Variants in RIN2 observed in about 807,000 individuals in gnomAD.
The protein encoded by RIN2 is RAB5 interacting protein 2.
RIN2 carries 36 observed loss-of-function variants against 78.0 expected under a neutral mutation model. That is an observed-to-expected ratio of 0.46 (90% CI 0.35 to 0.61). RIN2 has a LOEUF of 0.61. Ranked by LOEUF, RIN2 falls within the 20% of genes least tolerant of loss-of-function variation. The probability of loss-of-function intolerance (pLI) is 0.00; values close to 1 mark genes in which losing one functional copy is unlikely to be tolerated. For missense variants in RIN2, 1,087 were observed against 1,159.7 expected (o/e 0.94, Z 0.91); for synonymous variants, 466 against 466.8 (o/e 1.00, Z 0.02).
chr20:19,831,967 AACAATT>A (rs2036263419), intron 2 of RIN2, among the ~76,000 whole-genome samples: 1 of 152,178 alleles, frequency 6.6e-6, no homozygotes, highest in African/African-American at 2.4e-5. Context: ...AATGAATAAT[AACAATT>A]ATAATAATAA....
chr20:19,919,666 C>T (rs994259234), intron 3 of RIN2, among the ~76,000 whole-genome samples: 1 of 151,792 alleles, frequency 6.6e-6, no homozygotes, highest in South Asian at 2.1e-4. Flanking sequence ...ATTAGCCAGG[C>T]GTGGTGGCAT....
intron 2 of RIN2, among the ~76,000 whole-genome samples, chr20:19,877,637 A>C (rs1229978247): frequency 1.3e-5 from 2 of 152,180 alleles, no homozygotes; most frequent in African/African-American, 2.4e-5. Context: ...GCTTTCTGCA[A>C]GTGCCACAAG....
intron 2 of RIN2, among the ~76,000 whole-genome samples, chr20:19,856,935 A>C (rs2037189252): frequency 6.6e-6 from 1 of 152,136 alleles, no homozygotes; most frequent in Admixed American, 6.6e-5. Flanking sequence ...ACATACTGGA[A>C]TATCTTAGCC....
intron 1 of RIN2, among the ~76,000 whole-genome samples, chr20:19,760,656 G>A (rs1177612611): frequency 6.6e-6 from 1 of 151,954 alleles, no homozygotes; most frequent in African/African-American, 2.4e-5. Flanking sequence ...TGAAACACAG[G>A]GTATGCTACC....
At chr20:19,880,620 G>T (rs192808164) in intron 2 of RIN2, among the ~76,000 whole-genome samples, 11 of 151,842 alleles carry the variant, frequency 7.2e-5, no homozygotes, top group African/African-American at 2.7e-4. Flanking sequence ...CTTCTGCCTT[G>T]GCCTCCCAAA....
intron 3 of RIN2, among the ~76,000 whole-genome samples, chr20:19,921,105 C>A (rs761012802): frequency 1.3e-5 from 2 of 152,224 alleles, no homozygotes; most frequent in Non-Finnish European, 2.9e-5. Context: ...CCCTTCACAG[C>A]CTCTCCCATG....
intron 4 of RIN2, among the ~76,000 whole-genome samples, chr20:19,954,759 T>G (rs2041468501): frequency 6.6e-6 from 1 of 152,140 alleles, no homozygotes; most frequent in Non-Finnish European, 1.5e-5. Context: ...CTGACCTGAC[T>G]TGGTACCCAC....
rs1042368388 is a variant in RIN2 at position 20,002,231 on chromosome 20, C to T, written c.*1295C>T. ...CTATGAGGGTCTTGTATCCACGTAA[C>T]ACAGGTAGTTACAAAAACATGTTAT... On this transcript the variant is annotated 3_prime_UTR_variant, in exon 13 of 13. Transcript: ENST00000255006. 6.6e-6 allele frequency: 1 copy of T among 152,358 alleles called. No individual in the cohort carries two copies. Among genetic ancestry groups the T allele is most frequent in the African/African-American group, 2.4e-5 (1 of 41,454 alleles). 9.4% of individuals were successfully genotyped at this position (152,358 alleles called of 1,614,324 possible).
At position 19,912,966 on chromosome 20, in the gene RIN2, A is replaced by G. The variant is rs141541248; in HGVS notation, c.58-22133A>G. ...CGGTGCACAGGCTGAGCCTCAGTCC[A>G]TGCGCATGGGTCCAGAGAAAGTGCT... is the stretch of plus-strand genomic sequence containing the variant. On this transcript the variant is annotated intron_variant, in intron 3 of 12. Transcript: ENST00000255006. Among the ~76,000 whole-genome samples the G allele has an allele frequency of 3.2e-3, 494 of 152,326 alleles. 3 individuals are homozygous for G. The highest frequency in any genetic ancestry group is 5.5e-3 in the Non-Finnish European group (374 of 68,020).
chr20:19,996,679 G>A lies in RIN2; in HGVS notation c.2201G>A (p.Gly734Glu). The A allele has an allele frequency of 1.9e-6, 3 of 1,614,022 alleles. No individual in the cohort carries two copies. Among genetic ancestry groups the A allele is most frequent in the Non-Finnish European group, 2.5e-6 (3 of 1,179,896 alleles). Residue 734 changes from glycine (G) to glutamate (E), a missense_variant and splice_region_variant, in exon 12 of 13, where the codon GGA (glycine) becomes GAA (glutamate). Transcript: ENST00000255006. ...LLDPSLLHGE[G>E]GYYLTSAYGA... ...GACCCACTCTTTCTGCTCTTTTCAG[G>A]AGGCTATTACTTGACAAGCGCATAT...
At chr20:19,908,428 G>A (rs908899656) in intron 3 of RIN2, among the ~76,000 whole-genome samples, 8 of 151,284 alleles carry the variant, frequency 5.3e-5, no homozygotes, top group Admixed American at 1.3e-4. Flanking sequence ...GAGGCGGAGC[G>A]TGCATTGAGC....
At chr20:19,928,148 C>T (rs1816597580) in intron 3 of RIN2, among the ~76,000 whole-genome samples, 1 of 152,222 alleles carries the variant, frequency 6.6e-6, no homozygotes, top group African/African-American at 2.4e-5. Flanking sequence ...GGTCATCTGC[C>T]CACCTCAGCC....
Position 19,990,259 on chromosome 20 carries a change from G to A in RIN2, c.2016G>A (p.Met672Ile), listed in dbSNP as rs2042755033. 6.2e-7 allele frequency: 1 copy of A among 1,613,066 alleles called. No homozygotes were observed. Among genetic ancestry groups the A allele is most frequent in the Non-Finnish European group, 8.5e-7 (1 of 1,179,302 alleles). The part of the protein sequence containing the change: ...QKMYSPEKKV[M>I]LLLRVCKLIY... Reference sequence around the variant, plus strand: ...TGTATTCGCCGGAAAAGAAGGTCATGCTGCTGCTGCGGGTCTGCAAGCTCA... The same window carrying A: ...TGTATTCGCCGGAAAAGAAGGTCATACTGCTGCTGCGGGTCTGCAAGCTCA... Residue 672 changes from methionine (M) to isoleucine (I), a missense_variant, in exon 10 of 13, where the codon ATG becomes ATA. Transcript: ENST00000255006.
At chr20:19,922,430 A>G (rs958280294) in intron 3 of RIN2, among the ~76,000 whole-genome samples, 6 of 152,110 alleles carry the variant, frequency 3.9e-5, no homozygotes, top group Admixed American at 3.3e-4. Context: ...GCTGGTCTCA[A>G]TTGAGGCCAC....
At chr20:19,847,052 A>T (rs1356480856) in intron 2 of RIN2, among the ~76,000 whole-genome samples, 1 of 152,166 alleles carries the variant, frequency 6.6e-6, no homozygotes, top group Non-Finnish European at 1.5e-5. Flanking sequence ...TCTTTTGTTT[A>T]TCTCTTTTTG....
At chr20:19,866,457 T>G (rs2037509546) in intron 2 of RIN2, among the ~76,000 whole-genome samples, 1 of 152,162 alleles carries the variant, frequency 6.6e-6, no homozygotes, top group Non-Finnish European at 1.5e-5. Flanking sequence ...TCCACAGGGC[T>G]GGGGAGTGCA....
intron 1 of RIN2, among the ~76,000 whole-genome samples, chr20:19,766,553 C>CT (rs1853161020): frequency 6.6e-6 from 1 of 152,086 alleles, no homozygotes; most frequent in African/African-American, 2.4e-5. Context: ...GAAGAGATGT[C>CT]TAAGCTACGG....
At chr20:19,758,218 TTCC>T (rs997020221), upstream of RIN2, 2 of 72,828 alleles carry the variant, frequency 2.7e-5, no homozygotes, top group Non-Finnish European at 9.0e-5. Flanking sequence ...CTTCCTCCTC[TTCC>T]TCCTCCTCCT....
Position 19,928,443 on chromosome 20 carries a change from G to A in RIN2, c.58-6656G>A, listed in dbSNP as rs138076609. ...TCAGAGCTTCAGGCCACACCGCCTC[G>A]AAATTGCACAAGTTGCTGCCTGAAG... On this transcript the variant is annotated intron_variant, in intron 3 of 12. Transcript: ENST00000255006. Among the ~76,000 whole-genome samples the A allele has an allele frequency of 5.3e-5, 8 of 152,312 alleles. No homozygotes were observed. The East Asian group carries it at 1.4e-3, about 26-fold the overall frequency.
Sources: gnomAD v4.1 joint callset for allele counts (sites outside exome capture counted in the v4.1 genomes callset) on GRCh38, gnomAD v4.1.1 for gene constraint, MANE v1.5 for transcripts, NCBI Gene and HGNC (gene_info 2026-07-23, HGNC 2026-07-21) for gene names.